The following MAGI3 variants were observed in gnomAD, a reference collection of about 807,000 sequenced individuals.
MAGI3 encodes membrane-associated guanylate kinase, WW and PDZ domain-containing protein 3.
MAGI3 carries 43 observed loss-of-function variants against 121.8 expected under a neutral mutation model. That is an observed-to-expected ratio of 0.35 (90% confidence interval 0.28 to 0.46). MAGI3 has a LOEUF of 0.46. Ranked by LOEUF, MAGI3 falls within the 20% of genes least tolerant of loss-of-function variation. The probability of loss-of-function intolerance (pLI) is 1.00; values close to 1 mark genes in which losing one functional copy is unlikely to be tolerated. For missense variants in MAGI3, 1,547 were observed against 1,797.3 expected (o/e 0.86, Z 2.52); for synonymous variants, 553 against 639.3 (o/e 0.86, Z 2.04).
In MAGI3 at chr1:113,523,054, G is replaced by A. The variant is rs567072152; in HGVS notation, c.317-26461G>A. On this transcript the variant is annotated intron_variant, in intron 1 of 20. Coordinates refer to ENST00000307546, the MANE Select transcript of MAGI3 (RefSeq NM_001142782.2). ...TCTTTCCCATGTTCTTCTCATGATA[G>A]TGAATAAGTCTCACGAGATCTGATG... Among the ~76,000 whole-genome samples the A allele has an allele frequency of 5.9e-5, 9 of 152,272 alleles. 1 individual carries two copies. The South Asian group carries it at 1.9e-3, about 32-fold the overall frequency.
intron 1 of MAGI3, among the ~76,000 whole-genome samples, chr1:113,413,470 G>A (rs1342075184): frequency 6.6e-6 from 1 of 152,180 alleles, no homozygotes; most frequent in East Asian, 1.9e-4. Flanking sequence ...ACTTTGGGCA[G>A]TATGGCCATT....
intron 13 of MAGI3, 61 bp downstream of exon 13, chr1:113,649,389 G>A: frequency 8.8e-7 from 1 of 1,136,462 alleles, no homozygotes; most frequent in Non-Finnish European, 1.3e-6. Context: ...GTGGTGATTT[G>A]GTGGATTATG....
chr1:113,515,322 G>A (rs879708711), intron 1 of MAGI3, among the ~76,000 whole-genome samples: 6 of 152,060 alleles, frequency 3.9e-5, no homozygotes, highest in African/African-American at 9.7e-5. Flanking sequence ...TAGTAGCATG[G>A]CTTGATGTAG....
rs1210909293 is a variant in MAGI3 at position 113,593,316 on chromosome 1, A to T, written c.939-1165A>T. Among the ~76,000 whole-genome samples, 4 of 152,180 alleles carry T rather than the reference A, an allele frequency of 2.6e-5. No individual in the cohort carries two copies. The East Asian group carries it at 7.7e-4, about 29-fold the overall frequency. On this transcript the variant is annotated intron_variant, in intron 5 of 20. Coordinates refer to ENST00000307546, the MANE Select transcript of MAGI3 (RefSeq NM_001142782.2). ...TATTCCAATAATAACTTTAGGCAAG[A>T]GAATCACTTGAGCCGAGGAGTTCAA...
intron 7 of MAGI3, among the ~76,000 whole-genome samples, chr1:113,618,852 T>G (rs950943864): frequency 6.6e-6 from 1 of 152,216 alleles, no homozygotes; most frequent in Non-Finnish European, 1.5e-5. Context: ...TGAAATATAT[T>G]TGTACTATGG....
chr1:113,515,341 C>CT (rs1657839594), intron 1 of MAGI3, among the ~76,000 whole-genome samples: 1 of 151,946 alleles, frequency 6.6e-6, no homozygotes, highest in Non-Finnish European at 1.5e-5. Flanking sequence ...AGAGCTTTGA[C>CT]TAAAGAGACT....
rs1047540029 is a variant in MAGI3 at position 113,391,448 on chromosome 1, G to A, written c.316+99G>A. ...GCACCTCCCCACCGCGTATTGTCCC[G>A]GGTAATCTTAGACCTCTAGGGTGTG... is the stretch of plus-strand genomic sequence containing the variant. On this transcript the variant is annotated intron_variant, in intron 1 of 20. Transcript: ENST00000307546. This position sits in a 1 kb window ranked among gnomAD's most constrained non-coding sequence, Gnocchi z 4.4. 2 of 1,345,088 alleles carry A rather than the reference G, an allele frequency of 1.5e-6. No homozygotes were observed. The highest frequency in any genetic ancestry group is 2.5e-5 in the East Asian group (1 of 39,994). The allele number at this position is 1,345,088 out of a possible 1,614,324, so 83.3% of individuals were successfully genotyped here.
In MAGI3 at chr1:113,684,775, A is replaced by ATACT. The variant is rs1414376590; in HGVS notation, c.*765_*768dup. ...CTGCTGTGTTATCCAACCTCGATGT[A>ATACT]TACTTACAGCATCTCAGGTCACCCT... On this transcript the variant is annotated 3_prime_UTR_variant, in exon 21 of 21. Coordinates refer to ENST00000307546, the MANE Select transcript of MAGI3 (RefSeq NM_001142782.2). 2 of 152,372 alleles carry ATACT rather than the reference A, an allele frequency of 1.3e-5. No individual in the cohort carries two copies. Among genetic ancestry groups the ATACT allele is most frequent in the East Asian group, 1.9e-4 (1 of 5,342 alleles). The allele number at this position is 152,372 out of a possible 1,614,324, so 9.4% of individuals were successfully genotyped here.
At chr1:113,473,180 C>T (rs142310486) in intron 1 of MAGI3, among the ~76,000 whole-genome samples, 1,605 of 152,248 alleles carry the variant, frequency 0.011, 13 homozygotes, top group Non-Finnish European at 0.016. Flanking sequence ...AAGTCTTTAT[C>T]TCTCCTTTAT....
rs1041774791 is a variant in MAGI3 at position 113,659,076 on chromosome 1, A to G, written c.2630-4A>G. On this transcript the variant is annotated splice_polypyrimidine_tract_variant and splice_region_variant and intron_variant, in intron 15 of 20. Coordinates refer to ENST00000307546, the MANE Select transcript of MAGI3 (RefSeq NM_001142782.2). Reference sequence around the variant, plus strand: ...TGAAAAACCTGGGGTTTTTTTTCCCATAGTTATTCCTCATAAAATTGGCCG... The same window carrying G: ...TGAAAAACCTGGGGTTTTTTTTCCCGTAGTTATTCCTCATAAAATTGGCCG... 4.4e-6 allele frequency: 7 copies of G among 1,581,956 alleles called. No homozygotes were observed. The South Asian group carries it at 5.8e-5, about 13-fold the overall frequency.
At chr1:113,612,598 A>G (rs957571301) in intron 6 of MAGI3, among the ~76,000 whole-genome samples, 4 of 150,252 alleles carry the variant, frequency 2.7e-5, no homozygotes, top group South Asian at 4.3e-4. Flanking sequence ...CTTTATCTGT[A>G]TTAAATTGCC....
chr1:113,582,267 C>T (rs1485483873), intron 3 of MAGI3, among the ~76,000 whole-genome samples: 1 of 152,050 alleles, frequency 6.6e-6, no homozygotes, highest in Non-Finnish European at 1.5e-5. Flanking sequence ...TCTGACCTAG[C>T]AGTGCCCCTC....
At chr1:113,496,418 T>G (rs931505930) in intron 1 of MAGI3, among the ~76,000 whole-genome samples, 5 of 152,222 alleles carry the variant, frequency 3.3e-5, no homozygotes, top group African/African-American at 1.2e-4. Flanking sequence ...GATAGCTCAC[T>G]GTCTATGAAA....
intron 1 of MAGI3, among the ~76,000 whole-genome samples, chr1:113,446,143 A>G (rs1427784436): frequency 6.6e-6 from 1 of 152,266 alleles, no homozygotes; most frequent in East Asian, 1.9e-4. Context: ...TTTTTTTTCT[A>G]CATAATTTAA....
rs1250233579 is a variant in MAGI3, at chr1:113,619,615, C to T, written c.1077-121C>T. 1.1e-5 allele frequency: 7 copies of T among 655,936 alleles called. No homozygotes were observed. In the East Asian group the frequency reaches 2.0e-4, roughly 19 times the overall value. The allele number at this position is 655,936 out of a possible 1,614,324, so 40.6% of individuals were successfully genotyped here. On this transcript the variant is annotated intron_variant, in intron 7 of 20. Transcript: ENST00000307546. ...ATCATCTATCAGTCTCTCCATGTTC[C>T]ATAGCCTAAAGATACATATTTGTCC...
At chr1:113,605,399 T>C (rs1472479262) in intron 6 of MAGI3, among the ~76,000 whole-genome samples, 1 of 151,898 alleles carries the variant, frequency 6.6e-6, no homozygotes, top group African/African-American at 2.4e-5. Context: ...AAAGAGTAGG[T>C]TCTCAATTAC....
intron 9 of MAGI3, among the ~76,000 whole-genome samples, chr1:113,634,569 G>C (rs1337283283): frequency 6.6e-6 from 1 of 152,086 alleles, no homozygotes; most frequent in African/African-American, 2.4e-5. Context: ...ATTTCTGAGG[G>C]CTCTGTTCTG....
chr1:113,404,359 T>G (rs1408493911), intron 1 of MAGI3: 1 of 152,150 alleles, frequency 6.6e-6, no homozygotes, highest in Non-Finnish European at 1.5e-5. Flanking sequence ...GCAAGACCAA[T>G]TGTTAAATTT....
Position 113,685,496 on chromosome 1 carries a change from A to G in MAGI3, c.*1482A>G, listed in dbSNP as rs1648490534. The G allele has an allele frequency of 6.6e-6, 1 of 152,368 alleles. No homozygotes were observed. The highest frequency in any genetic ancestry group is 2.4e-5 in the African/African-American group (1 of 41,462). 9.4% of individuals were successfully genotyped at this position (152,368 alleles called of 1,614,324 possible). On this transcript the variant is annotated 3_prime_UTR_variant, in exon 21 of 21. Transcript: ENST00000307546. ...CCAACAACTCAATTAGCCCCTGTAGATAAGACATGCTTCCCAGAGTGAGAT... is the reference window on the plus strand; with the variant it reads ...CCAACAACTCAATTAGCCCCTGTAGGTAAGACATGCTTCCCAGAGTGAGAT...
Sources: allele counts gnomAD v4.1 joint callset (sites outside exome capture counted in the v4.1 genomes callset), GRCh38; gene constraint gnomAD v4.1.1; non-coding constraint Gnocchi (gnomAD v3.1); transcripts MANE v1.5; gene names NCBI Gene and HGNC (gene_info 2026-07-23, HGNC 2026-07-21).